TRIM37: variants seen among roughly 807,000 people sequenced by gnomAD.
TRIM37 encodes tripartite motif containing 37, also known as E3 ubiquitin-protein ligase TRIM37.
In TRIM37, 80 loss-of-function variants were observed where a neutral mutation model predicts 129.8. The ratio of observed to expected loss-of-function variants is 0.62; its 90% CI spans 0.51 to 0.74. The LOEUF (loss-of-function observed/expected upper bound fraction) is 0.74. Among genes scored for constraint, TRIM37 ranks in the 30% least tolerant of loss-of-function variants. The pLI is 0.00. For synonymous variants in TRIM37, 389 were observed against 387.1 expected (o/e 1.00, Z -0.06); for missense variants, 1,054 against 1,176.5 (o/e 0.90, Z 1.52).
intron 24 of TRIM37, among the ~76,000 whole-genome samples, chr17:58,990,012 C>A (rs1218518668): frequency 2.0e-5 from 3 of 150,262 alleles, no homozygotes; most frequent in African/African-American, 7.4e-5. Flanking sequence ...GCAGTGAGAC[C>A]CCCTCTGAAA....
Position 58,998,516 on chromosome 17 carries a change from C to T in TRIM37, c.*861G>A, listed in dbSNP as rs939441140. 4.1e-6 allele frequency: 4 copies of T among 985,236 alleles called. No individual in the cohort carries two copies. Among genetic ancestry groups the T allele is most frequent in the African/African-American group, 3.5e-5 (2 of 57,220 alleles). 61.0% of individuals were successfully genotyped at this position (985,236 alleles called of 1,614,324 possible). On this transcript the variant is annotated 3_prime_UTR_variant, in exon 24 of 24. Transcript: ENST00000262294. ...AAGAAAACCTTATATCACAGTTTCA[C>T]GTTCATGTAAGCCACTGTGCAACAT...
intron 21 of TRIM37, among the ~76,000 whole-genome samples, chr17:59,014,995 T>A (rs923830912): frequency 4.1e-5 from 6 of 147,610 alleles, no homozygotes; most frequent in African/African-American, 1.3e-4. Flanking sequence ...GAGAATGGCA[T>A]GAACCTGGGA....
At position 59,031,592 on chromosome 17, in the gene TRIM37, CAA is replaced by C. The variant is rs539178662; in HGVS notation, c.1948+302_1948+303del. On this transcript the variant is annotated intron_variant, in intron 18 of 23. Coordinates refer to ENST00000262294, the MANE Select transcript of TRIM37 (RefSeq NM_015294.6). ...AGTAAGGGAATTCATGAAGCCTGAC[CAA>C]AAAAAGTCCATTCATAAAGAAGATA... 8.5e-5 allele frequency among the ~76,000 whole-genome samples: 13 copies of C among 152,090 alleles called. No homozygotes were observed. The South Asian group carries it at 2.7e-3, about 31-fold the overall frequency.
rs2039202390 is a variant in TRIM37, at chr17:59,041,884, T to A, written c.1682A>T (p.Asp561Val). Residue 561 changes from aspartate to valine, a missense_variant, in exon 17 of 24, where the codon GAT (aspartate) becomes GTT (valine). By Grantham distance (152) the Asp-to-Val change is radical. Around this residue, in one of 3 missense-constraint regions of TRIM37, gnomAD observed 752 missense variants for 870.8 expected, o/e 0.86. Coordinates refer to ENST00000262294, the MANE Select transcript of TRIM37 (RefSeq NM_015294.6). The part of the protein sequence containing the change: ...IDEETMSGEN[D>V]VEYNNMELEE... ...TAATTCCATGTTGTTATATTCCACA[T>A]CATTTTCTCCAGACCTAAGAATATA... 2 of 1,613,228 alleles carry A rather than the reference T, an allele frequency of 1.2e-6. No homozygotes were observed. The highest frequency in any genetic ancestry group is 1.7e-6 in the Non-Finnish European group (2 of 1,179,304).
intron 17 of TRIM37, among the ~76,000 whole-genome samples, chr17:59,040,832 G>A (rs1256005665): frequency 1.3e-5 from 2 of 151,670 alleles, no homozygotes. Flanking sequence ...GGATCATGAG[G>A]TCAGGAGATC....
downstream of TRIM37, among the ~76,000 whole-genome samples, chr17:58,994,843 G>A (rs1270660854): frequency 1.3e-5 from 2 of 151,074 alleles, no homozygotes; most frequent in African/African-American, 4.9e-5. Context: ...TCCGCCTCAC[G>A]GGTTTAAGCG....
At chr17:59,019,299 A>G (rs923064360) in intron 19 of TRIM37, among the ~76,000 whole-genome samples, 9 of 152,258 alleles carry the variant, frequency 5.9e-5, no homozygotes, top group Admixed American at 2.0e-4. Context: ...ACAGCCATAC[A>G]ATAAAATATC....
rs752730285 is a variant in TRIM37, at chr17:59,070,843, A to G, written c.789T>C (p.Pro263=). Residue 263 remains proline, a synonymous_variant, in exon 9 of 24, where the codon CCT becomes CCC. Transcript: ENST00000262294. ...CATACCTGGTAAAGTCTGGTGGAAC[A>G]GGAGTGGTAACAAAAGATGCCATGG... The part of the protein sequence containing the change: ...RKPMASFVTT[P]VPPDFTSELV... 6.2e-7 allele frequency: 1 copy of G among 1,614,122 alleles called. No individual in the cohort carries two copies. Among genetic ancestry groups the G allele is most frequent in the South Asian group, 1.1e-5 (1 of 91,086 alleles).
intron 2 of TRIM37, among the ~76,000 whole-genome samples, chr17:59,101,773 C>CAT (rs1050635993): frequency 2.5e-4 from 34 of 138,412 alleles, no homozygotes; most frequent in Non-Finnish European, 4.0e-4. Flanking sequence ...CACATATATA[C>CAT]ATATATATAT....
At chr17:59,025,570 C>T (rs945943515) in intron 19 of TRIM37, among the ~76,000 whole-genome samples, 2 of 151,842 alleles carry the variant, frequency 1.3e-5, no homozygotes, top group African/African-American at 4.8e-5. Context: ...GTTCCAGGAC[C>T]CCTGCGTATA....
intron 17 of TRIM37, among the ~76,000 whole-genome samples, chr17:59,033,246 G>T (rs1034404591): frequency 1.3e-5 from 2 of 152,156 alleles, no homozygotes; most frequent in Admixed American, 1.3e-4. Context: ...TAGGAGGAAA[G>T]TTCCATTGTT....
chr17:59,004,930 A>C (rs573763560), intron 22 of TRIM37, among the ~76,000 whole-genome samples: 97 of 152,366 alleles, frequency 6.4e-4, no homozygotes, highest in Non-Finnish European at 9.6e-4. Context: ...AAACAAAAAA[A>C]CAAAAAAACA....
chr17:59,084,604 A>G (rs965455281), intron 4 of TRIM37, among the ~76,000 whole-genome samples: 1 of 152,228 alleles, frequency 6.6e-6, no homozygotes, highest in Non-Finnish European at 1.5e-5. Flanking sequence ...GAAAAACAAT[A>G]AAGTTAGACT....
chr17:59,028,824 G>T, intron 18 of TRIM37, 101 bp from the exon 19 acceptor site: 1 of 1,194,212 alleles, frequency 8.4e-7, no homozygotes, highest in Non-Finnish European at 1.2e-6. Flanking sequence ...ATAAGCTAGC[G>T]TGCTTTACGT....
At chr17:59,017,722 T>C (rs2036128567) in intron 19 of TRIM37, among the ~76,000 whole-genome samples, 1 of 152,042 alleles carries the variant, frequency 6.6e-6, no homozygotes. Context: ...CCTCCTGGGT[T>C]CAAGCAATTC....
At chr17:59,071,667 A>G (rs2042381982) in intron 8 of TRIM37, among the ~76,000 whole-genome samples, 1 of 151,106 alleles carries the variant, frequency 6.6e-6, no homozygotes, top group Non-Finnish European at 1.5e-5. Context: ...ACCCGTGTGT[A>G]CACACACACA....
intron 13 of TRIM37, 127 bp from the exon 14 acceptor site, chr17:59,051,455 A>G (rs2040338287): frequency 7.0e-6 from 5 of 711,930 alleles, no homozygotes; most frequent in Admixed American, 2.1e-5. Context: ...TAGAGCTGCT[A>G]GTATTTGTTG....
chr17:58,995,417 A>G (rs987268319), downstream of TRIM37, among the ~76,000 whole-genome samples: 10 of 152,088 alleles, frequency 6.6e-5, no homozygotes, highest in African/African-American at 2.4e-4. Context: ...AAAAAAAAAA[A>G]AAGAAGAATG....
At chr17:58,995,552 T>C (rs1360639205), downstream of TRIM37, among the ~76,000 whole-genome samples, 1 of 152,026 alleles carries the variant, frequency 6.6e-6, no homozygotes, top group Non-Finnish European at 1.5e-5. Flanking sequence ...CCATCATATA[T>C]AGATATATAA....
Sources: allele counts gnomAD v4.1 joint callset (sites outside exome capture counted in the v4.1 genomes callset), GRCh38; gene constraint gnomAD v4.1.1; regional missense constraint gnomAD v4.1.1; transcripts MANE v1.5; gene names NCBI Gene and HGNC (gene_info 2026-07-23, HGNC 2026-07-21).